Variants in TECRL observed in about 807,000 individuals in gnomAD.
TECRL encodes trans-2,3-enoyl-CoA reductase like, also known as trans-2,3-enoyl-CoA reductase-like.
TECRL carries 63 observed loss-of-function variants against 52.8 expected under a neutral mutation model. The observed-to-expected ratio is 1.19, with a 90% CI of 0.97 to 1.47. The LOEUF (loss-of-function observed/expected upper bound fraction) is 1.47, where lower values mean the gene tolerates loss of function less well. Ranked by LOEUF, TECRL falls within the 40% of genes most tolerant of loss-of-function variation. The pLI, the probability that TECRL is intolerant of heterozygous loss-of-function variation, is 0.00. For synonymous variants in TECRL, 164 were observed against 141.9 expected (o/e 1.16, Z -1.10); for missense variants, 482 against 429.6 (o/e 1.12, Z -1.08).
chr4:64,387,135 T>C (rs1401024495), intron 1 of TECRL, among the ~76,000 whole-genome samples: 1 of 152,190 alleles, frequency 6.6e-6, no homozygotes, highest in Admixed American at 6.6e-5. Flanking sequence ...TTGTTTTGCC[T>C]TCCCAGAAAG....
At chr4:64,305,499 G>A (rs1233656332) in intron 6 of TECRL, among the ~76,000 whole-genome samples, 1 of 152,098 alleles carries the variant, frequency 6.6e-6, no homozygotes, top group African/African-American at 2.4e-5. Flanking sequence ...TCAGAAGAGG[G>A]CCAACACCTG....
intron 7 of TECRL, among the ~76,000 whole-genome samples, chr4:64,302,134 T>C (rs902645861): frequency 2.0e-5 from 3 of 151,330 alleles, no homozygotes. Context: ...ATTTTGATAA[T>C]CTATTTCATT....
chr4:64,314,828 T>A, intron 4 of TECRL, 65 bp from the exon 5 acceptor site: 1 of 1,139,550 alleles, frequency 8.8e-7, no homozygotes, highest in Non-Finnish European at 1.3e-6. Context: ...CATTTGTGTC[T>A]ATGAGTATTA....
At chr4:64,331,823 G>A (rs1230292321) in intron 2 of TECRL, among the ~76,000 whole-genome samples, 2 of 151,978 alleles carry the variant, frequency 1.3e-5, no homozygotes, top group Non-Finnish European at 2.9e-5. Context: ...AAAGCAGAAA[G>A]ATAAAGGGAT....
At chr4:64,335,310 T>C (rs537325065) in intron 2 of TECRL, among the ~76,000 whole-genome samples, 35 of 152,276 alleles carry the variant, frequency 2.3e-4, no homozygotes, top group Non-Finnish European at 4.0e-4. Context: ...TTGTGGACTG[T>C]GCATGTGAGG....
chr4:64,286,933 C>A (rs1483082346), intron 9 of TECRL, among the ~76,000 whole-genome samples: 1 of 152,064 alleles, frequency 6.6e-6, no homozygotes, highest in African/African-American at 2.4e-5. Context: ...TTTGGCAATG[C>A]TAGCATTTTA....
Position 64,359,852 on chromosome 4 carries a change from T to C in TECRL, c.286+15320A>G, listed in dbSNP as rs74742376. On this transcript the variant is annotated intron_variant, in intron 2 of 11. Coordinates refer to ENST00000381210, the MANE Select transcript of TECRL (RefSeq NM_001010874.5). ...AGCAATATAAATTTGACTAGTATTT[T>C]AAAGTAGTAACAGTGAAAACAGGTT... is the stretch of plus-strand genomic sequence containing the variant. 1.0e-3 allele frequency among the ~76,000 whole-genome samples: 156 copies of C among 152,254 alleles called. 1 individual carries two copies. In the East Asian group the frequency reaches 0.027, roughly 26 times the overall value.
chr4:64,281,192 A>C (rs1298454359), intron 10 of TECRL, 106 bp from the exon 11 acceptor site: 1 of 672,164 alleles, frequency 1.5e-6, no homozygotes, highest in African/African-American at 1.9e-5. Context: ...TAGAAAACTT[A>C]TAGATAGGAA....
At chr4:64,291,036 A>G (rs1723353009) in intron 8 of TECRL, among the ~76,000 whole-genome samples, 2 of 152,224 alleles carry the variant, frequency 1.3e-5, no homozygotes, top group South Asian at 4.1e-4. Context: ...TTTTACATGC[A>G]AATGTGGATA....
At chr4:64,276,985 A>G (rs1014567422), downstream of TECRL, 3 of 1,378,144 alleles carry the variant, frequency 2.2e-6, no homozygotes, top group Non-Finnish European at 3.0e-6. Flanking sequence ...TGTAGCATTA[A>G]TATTGACAAC....
At chr4:64,374,026 A>G (rs1722170286) in intron 2 of TECRL, among the ~76,000 whole-genome samples, 1 of 74,242 alleles carries the variant, frequency 1.3e-5, no homozygotes, top group African/African-American at 5.1e-5. Flanking sequence ...TAGTAGATAC[A>G]TATATATATA....
intron 2 of TECRL, among the ~76,000 whole-genome samples, chr4:64,332,267 A>G (rs952298668): frequency 6.6e-6 from 1 of 152,200 alleles, no homozygotes; most frequent in African/African-American, 2.4e-5. Context: ...CCGCAATTTC[A>G]GTAGTTACCC....
Position 64,288,575 on chromosome 4 carries a change from C to T in TECRL, c.832+1135G>A, listed in dbSNP as rs1354627229. On this transcript the variant is annotated intron_variant, in intron 9 of 11. Transcript: ENST00000381210. ...GAACCATTTCTTGCTCGGAATTTAACGTGCAACAAAAAGTGGATTTTATAT... is the reference window on the plus strand; with the variant it reads ...GAACCATTTCTTGCTCGGAATTTAATGTGCAACAAAAAGTGGATTTTATAT... Among the ~76,000 whole-genome samples, 6 of 152,034 alleles carry T rather than the reference C, an allele frequency of 3.9e-5. No individual in the cohort carries two copies. In the East Asian group the frequency reaches 7.7e-4, roughly 20 times the overall value.
intron 4 of TECRL, among the ~76,000 whole-genome samples, chr4:64,317,171 G>C (rs1403599044): frequency 6.6e-6 from 1 of 152,016 alleles, no homozygotes; most frequent in Non-Finnish European, 1.5e-5. Context: ...CCAGCTACTC[G>C]GGAGGCTGAG....
At chr4:64,326,918 A>G (rs1718304917) in intron 3 of TECRL, among the ~76,000 whole-genome samples, 1 of 152,046 alleles carries the variant, frequency 6.6e-6, no homozygotes, top group African/African-American at 2.4e-5. Flanking sequence ...AAATATTAAG[A>G]CCCTGCTTTG....
chr4:64,400,057 C>T (rs925585873), intron 1 of TECRL, among the ~76,000 whole-genome samples: 1 of 152,192 alleles, frequency 6.6e-6, no homozygotes, highest in Non-Finnish European at 1.5e-5. Context: ...TGCCAACCTA[C>T]CAGCCTGTTA....
intron 1 of TECRL, among the ~76,000 whole-genome samples, chr4:64,404,006 A>G (rs1724543232): frequency 6.6e-6 from 1 of 152,098 alleles, no homozygotes; most frequent in Non-Finnish European, 1.5e-5. Context: ...TATCATGTAC[A>G]AGGTAAAGTA....
rs572174660 is a variant in TECRL at position 64,296,840 on chromosome 4, A to G, written c.774+3134T>C. 1.3e-4 allele frequency among the ~76,000 whole-genome samples: 19 copies of G among 151,858 alleles called. No homozygotes were observed. The South Asian group carries it at 3.1e-3, about 25-fold the overall frequency. On this transcript the variant is annotated intron_variant, in intron 8 of 11. Coordinates refer to ENST00000381210, the MANE Select transcript of TECRL (RefSeq NM_001010874.5). ...AAAATTTATTCACAATATTTACATC[A>G]GACAATAAGATTGCATCTAAAATTT... is the stretch of plus-strand genomic sequence containing the variant.
intron 8 of TECRL, among the ~76,000 whole-genome samples, chr4:64,294,858 C>G (rs971996603): frequency 1.3e-5 from 2 of 151,876 alleles, no homozygotes; most frequent in Admixed American, 6.6e-5. Context: ...TATATTATTA[C>G]AAAGTTTCAC....
Sources: allele counts gnomAD v4.1 joint callset (sites outside exome capture counted in the v4.1 genomes callset), GRCh38; gene constraint gnomAD v4.1.1; transcripts MANE v1.5; gene names NCBI Gene and HGNC (gene_info 2026-07-23, HGNC 2026-07-21).